Variants in SLC4A1AP observed in about 807,000 individuals in gnomAD.
SLC4A1AP encodes solute carrier family 4 member 1 adaptor protein.
SLC4A1AP carries 64 observed loss-of-function variants against 89.7 expected under a neutral mutation model. The observed-to-expected ratio is 0.71, with a 90% CI of 0.58 to 0.88. SLC4A1AP has a LOEUF of 0.88. Ranked by LOEUF, SLC4A1AP falls within the 40% of genes least tolerant of loss-of-function variation. The pLI is 0.00. For synonymous variants in SLC4A1AP, 366 were observed against 353.3 expected (o/e 1.04, Z -0.40); for missense variants, 931 against 965.0 (o/e 0.96, Z 0.47).
In SLC4A1AP at chr2:27,694,529, C is replaced by T. The variant is rs1675842157; in HGVS notation, c.2342-105C>T. 9.4e-6 allele frequency: 7 copies of T among 741,654 alleles called. No homozygotes were observed. In the South Asian group the frequency reaches 2.3e-4, roughly 25 times the overall value. The allele number at this position is 741,654 out of a possible 1,614,324, so 45.9% of individuals were successfully genotyped here. ...AGTAAAATTTCTACCGTAGAATAAA[C>T]CTTTTTGTCTATTTTACTTTTTGGC... On this transcript the variant is annotated intron_variant, in intron 13 of 13. Coordinates refer to ENST00000613058, the Ensembl canonical transcript of SLC4A1AP.
chr2:27,664,279 C>T, exon 1 of SLC4A1AP: 1 of 1,614,236 alleles, frequency 6.2e-7, no homozygotes, highest in Non-Finnish European at 8.5e-7. Flanking sequence ...AAGGGCGGCA[C>T]TATCCTTGGC....
At chr2:27,680,763 CAAA>C (rs1675605947) in intron 8 of SLC4A1AP, among the ~76,000 whole-genome samples, 1 of 146,234 alleles carries the variant, frequency 6.8e-6, no homozygotes, top group Non-Finnish European at 1.5e-5. Flanking sequence ...AAAAACAAAA[CAAA>C]AACAAATCTC....
At chr2:27,682,766 C>A (rs914514337) in intron 9 of SLC4A1AP, among the ~76,000 whole-genome samples, 1 of 152,274 alleles carries the variant, frequency 6.6e-6, no homozygotes, top group Non-Finnish European at 1.5e-5. Context: ...TCGTGATCCA[C>A]CTGCCTTGGC....
chr2:27,663,935 G>C (rs886918218), exon 1 of SLC4A1AP: 21 of 1,614,176 alleles, frequency 1.3e-5, no homozygotes, highest in Non-Finnish European at 1.8e-5. Context: ...TTCTCTCTCA[G>C]TCAGAGACCC....
chr2:27,669,897 CTT>C (rs1232481405), intron 5 of SLC4A1AP, among the ~76,000 whole-genome samples: 1 of 152,042 alleles, frequency 6.6e-6, no homozygotes, highest in Non-Finnish European at 1.5e-5. Context: ...GAGTTTCACT[CTT>C]GTTGCCCAGG....
At chr2:27,673,429 T>G (rs1572991033) in intron 5 of SLC4A1AP, among the ~76,000 whole-genome samples, 1 of 51,106 alleles carries the variant, frequency 2.0e-5, no homozygotes, top group Non-Finnish European at 3.6e-5. Context: ...CCTCCCTCCC[T>G]CCCTCCCTCC....
At chr2:27,681,193 G>A (rs771636137) in intron 8 of SLC4A1AP, among the ~76,000 whole-genome samples, 1 of 152,224 alleles carries the variant, frequency 6.6e-6, no homozygotes, top group Non-Finnish European at 1.5e-5. Flanking sequence ...GGCCTGTGGG[G>A]AAGGGTGTGA....
rs532285939 is a variant in SLC4A1AP, at chr2:27,693,609, C to T, written c.2272-76C>T. The T allele has an allele frequency of 3.2e-4, 378 of 1,181,838 alleles. 1 individual carries two copies. The highest frequency in any genetic ancestry group is 2.6e-4 in the Admixed American group (13 of 49,228). 73.2% of individuals were successfully genotyped at this position (1,181,838 alleles called of 1,614,324 possible). The stretch of plus-strand genomic sequence containing the variant: ...CTGCTTAAGGAGGCTAACAATAGGA[C>T]CCCAATCCCTTCTGCAGTTGTAAGG... On this transcript the variant is annotated intron_variant, in intron 12 of 13. Transcript: ENST00000613058.
At chr2:27,679,634 A>G (rs926871891) in intron 8 of SLC4A1AP, among the ~76,000 whole-genome samples, 4 of 151,894 alleles carry the variant, frequency 2.6e-5, no homozygotes, top group African/African-American at 9.7e-5. Context: ...GTAGATATAC[A>G]ATAGAACACC....
chr2:27,669,420 T>G, intron 5 of SLC4A1AP, 33 bp downstream of exon 5: 1 of 1,447,004 alleles, frequency 6.9e-7, no homozygotes, highest in Non-Finnish European at 9.1e-7. Context: ...TTTCTAGATT[T>G]AAAAAAAGGA....
chr2:27,670,118 C>T (rs376469704), intron 5 of SLC4A1AP, among the ~76,000 whole-genome samples: 262 of 152,274 alleles, frequency 1.7e-3, no homozygotes, highest in Middle Eastern at 6.8e-3. Context: ...CTGCCTCGGC[C>T]TCCCAAAGTG....
chr2:27,685,922 GATCATACAT>G (rs2148139362), intron 10 of SLC4A1AP, among the ~76,000 whole-genome samples: 1 of 151,930 alleles, frequency 6.6e-6, no homozygotes, highest in Non-Finnish European at 1.5e-5. Context: ...AGAAACTATA[GATCATACAT>G]AAAAGTCCAA....
In SLC4A1AP at chr2:27,666,871, AT is replaced by A. The variant is rs61280972; in HGVS notation, c.1022-384del. ...ACAGATAAACTATATATATATATAT[AT>A]TTTTTTTTTTTTGGGAGACGGTCTC... is the stretch of plus-strand genomic sequence containing the variant. On this transcript the variant is annotated intron_variant, in intron 2 of 13. Transcript: ENST00000613058. Among the ~76,000 whole-genome samples, 1,335 of 135,262 alleles carry A rather than the reference AT, an allele frequency of 9.9e-3. 22 individuals carry two copies. Among genetic ancestry groups the A allele is most frequent in the African/African-American group, 0.031 (1,059 of 33,816 alleles). The allele number at this position is 135,262 out of a possible 152,430, so 88.7% of individuals were successfully genotyped here.
At chr2:27,668,294 G>A (rs1486563470) in intron 3 of SLC4A1AP, among the ~76,000 whole-genome samples, 5 of 151,900 alleles carry the variant, frequency 3.3e-5, no homozygotes, top group South Asian at 2.1e-4. Flanking sequence ...GACTACAGGC[G>A]CCCGCCACCA....
At chr2:27,694,509 A>G (rs943854592) in intron 13 of SLC4A1AP, 125 bp from the exon 14 acceptor site, 1 of 567,370 alleles carries the variant, frequency 1.8e-6, no homozygotes, top group African/African-American at 1.9e-5. Context: ...CAAAAAGTAA[A>G]ATTTCTACCG....
intron 12 of SLC4A1AP, among the ~76,000 whole-genome samples, chr2:27,691,192 A>G (rs1221245528): frequency 6.6e-6 from 1 of 151,822 alleles, no homozygotes; most frequent in Non-Finnish European, 1.5e-5. Context: ...GTTGGTGGTA[A>G]TATTTTTTAA....
At chr2:27,680,436 C>CA (rs1675601007) in intron 8 of SLC4A1AP, among the ~76,000 whole-genome samples, 1 of 152,060 alleles carries the variant, frequency 6.6e-6, no homozygotes, top group Non-Finnish European at 1.5e-5. Flanking sequence ...TTCTAAATAA[C>CA]AAATAACTGG....
At chr2:27,669,509 G>C (rs1164960684) in intron 5 of SLC4A1AP, 122 bp downstream of exon 5, 1 of 932,536 alleles carries the variant, frequency 1.1e-6, no homozygotes, top group Non-Finnish European at 1.6e-6. Context: ...AGTGAAAAGA[G>C]AAAAATTCTC....
In SLC4A1AP at chr2:27,664,218, G is replaced by C. The variant is rs780951592; in HGVS notation, c.466G>C (p.Glu156Gln). Residue 156 changes from glutamate to glutamine, a missense_variant, in exon 1 of 14, where the codon GAG becomes CAG. Glu to Gln is a conservative substitution (Grantham distance 29, BLOSUM62 2). Transcript: ENST00000613058. ...TCCAGCCCGGGCTCCCCCCTACCAAGAGCCTCCATGGGGTGGCCCTGCCAC... is the reference window on the plus strand; with the variant it reads ...TCCAGCCCGGGCTCCCCCCTACCAACAGCCTCCATGGGGTGGCCCTGCCAC... 3.0e-5 allele frequency: 49 copies of C among 1,614,026 alleles called. No individual in the cohort carries two copies. The highest frequency in any genetic ancestry group is 1.6e-4 in the Middle Eastern group (1 of 6,084).
Sources: allele counts gnomAD v4.1 joint callset (sites outside exome capture counted in the v4.1 genomes callset), GRCh38; gene constraint gnomAD v4.1.1; transcripts MANE v1.5; gene names NCBI Gene and HGNC (gene_info 2026-07-23, HGNC 2026-07-21).